PCDHA6: variants seen among roughly 807,000 people sequenced by gnomAD.
PCDHA6 encodes the protein protocadherin alpha-6.
In PCDHA6, 55 loss-of-function variants were observed where a neutral mutation model predicts 60.3. That is an observed-to-expected ratio of 0.91 (90% CI 0.73 to 1.14). The LOEUF is 1.14. PCDHA6 is among the 50% of genes most tolerant of loss of function. PCDHA6 has a pLI of 0.00. For missense variants in PCDHA6, 1,327 were observed against 1,256.5 expected, an observed-to-expected ratio of 1.06 and a Z score of -0.85; for synonymous variants, 652 against 557.9, an observed-to-expected ratio of 1.17 and a Z score of -2.38.
In PCDHA6 at chr5:141,010,490, A is replaced by C; in HGVS notation, c.*553A>C. 1.6e-6 allele frequency: 1 copy of C among 640,034 alleles called. No individual in the cohort carries two copies. The highest frequency in any genetic ancestry group is 2.4e-6 in the Non-Finnish European group (1 of 411,150). The allele number at this position is 640,034 out of a possible 1,614,324, so 39.6% of individuals were successfully genotyped here. On this transcript the variant is annotated 3_prime_UTR_variant, in exon 4 of 4. Coordinates refer to ENST00000529310, the MANE Select transcript of PCDHA6 (RefSeq NM_018909.4). ...GGAGGGGAAGTGTAAACTTAAAGGG[A>C]CCAGACTTTCTAAATCTTACAACTC...
chr5:140,858,616 T>G (rs1562539811), intron 1 of PCDHA6: 1 of 1,182,404 alleles, frequency 8.5e-7, no homozygotes, highest in Non-Finnish European at 1.2e-6. Context: ...TTTTTTATCC[T>G]ACCCAGTGTG....
intron 1 of PCDHA6, chr5:140,837,027 GTATTTACAAAATCAAA>G (rs1484122641): frequency 1.7e-5 from 4 of 237,742 alleles, no homozygotes; most frequent in African/African-American, 9.1e-5. Context: ...CTTCTATAGT[GTATTTACAAAATCAAA>G]TATTTACATT....
At chr5:140,978,301 C>T (rs1554239160) in intron 1 of PCDHA6, among the ~76,000 whole-genome samples, 1 of 152,168 alleles carries the variant, frequency 6.6e-6, no homozygotes, top group Admixed American at 6.5e-5. Flanking sequence ...GGAAAGCACT[C>T]AGGAAGGAGC....
chr5:140,868,834 A>G (rs1554162245), intron 1 of PCDHA6: 10 of 427,500 alleles, frequency 2.3e-5, no homozygotes, highest in Non-Finnish European at 8.0e-6. Context: ...AAGAAACCCA[A>G]AACACGTGAA....
At chr5:140,863,248 G>A (rs782700291) in intron 1 of PCDHA6, 2 of 1,396,062 alleles carry the variant, frequency 1.4e-6, no homozygotes, top group Non-Finnish European at 9.8e-7. Flanking sequence ...TTTGGCGGGC[G>A]TCGAGGTCCG....
In PCDHA6 at chr5:140,857,896, T is replaced by A; in HGVS notation, c.2394+27411T>A. 4 of 1,597,704 alleles carry A rather than the reference T, an allele frequency of 2.5e-6. 1 individual carries two copies. The highest frequency in any genetic ancestry group is 3.4e-6 in the Non-Finnish European group (4 of 1,167,490). On this transcript the variant is annotated intron_variant, in intron 1 of 3. Coordinates refer to ENST00000529310, the MANE Select transcript of PCDHA6 (RefSeq NM_018909.4). ...ATGAATTGCAGTCGGCGGCGGTTGGTGCACGCATCCCGTTTCGCGTGGGGC... is the reference window on the plus strand; with the variant it reads ...ATGAATTGCAGTCGGCGGCGGTTGGAGCACGCATCCCGTTTCGCGTGGGGC...
intron 1 of PCDHA6, chr5:140,870,869 T>C (rs371526005): frequency 8.1e-6 from 13 of 1,613,770 alleles, no homozygotes; most frequent in Non-Finnish European, 1.1e-5. Context: ...GCGGGCCACG[T>C]GGTGGCGAAG....
At chr5:140,926,850 G>A (rs375350613) in intron 1 of PCDHA6, 3 of 1,517,570 alleles carry the variant, frequency 2.0e-6, no homozygotes, top group African/African-American at 2.8e-5. Flanking sequence ...CTGGGTCACC[G>A]TTGGTGTAGC....
chr5:140,991,588 C>T (rs1252872687), intron 3 of PCDHA6, among the ~76,000 whole-genome samples: 3 of 152,212 alleles, frequency 2.0e-5, no homozygotes, highest in African/African-American at 7.2e-5. Flanking sequence ...TTATTTCTAC[C>T]TGAGCCCTCA....
chr5:140,944,807 A>T (rs1472832230), intron 1 of PCDHA6, among the ~76,000 whole-genome samples: 1 of 152,214 alleles, frequency 6.6e-6, no homozygotes, highest in Non-Finnish European at 1.5e-5. Context: ...TCGAGGGTCC[A>T]CAGTGATCTT....
intron 1 of PCDHA6, chr5:140,836,474 C>A: frequency 6.2e-7 from 1 of 1,613,830 alleles, no homozygotes; most frequent in Non-Finnish European, 8.5e-7. Context: ...TGGATGTCAA[C>A]GTGTACCTGA....
rs2055991111 is a variant in PCDHA6 at position 140,875,957 on chromosome 5, T to C, written c.2394+45472T>C. 1.1e-5 allele frequency: 17 copies of C among 1,614,050 alleles called. No individual in the cohort carries two copies. The highest frequency in any genetic ancestry group is 1.4e-5 in the Non-Finnish European group (16 of 1,180,000). ...CTAGAGGGCGCTTCTGATGCGGATA[T>C]CGGCGTAAACTCTCTTTTGACCTAT... On this transcript the variant is annotated intron_variant, in intron 1 of 3. Coordinates refer to ENST00000529310, the MANE Select transcript of PCDHA6 (RefSeq NM_018909.4).
intron 1 of PCDHA6, among the ~76,000 whole-genome samples, chr5:140,878,322 T>C (rs2057540228): frequency 6.6e-6 from 1 of 152,228 alleles, no homozygotes; most frequent in Non-Finnish European, 1.5e-5. Context: ...CATTTTCACA[T>C]TATATTCCAG....
chr5:140,848,521 C>T lies in PCDHA6; in HGVS notation c.2394+18036C>T, dbSNP rs2150411815. The T allele has an allele frequency of 1.3e-6, 2 of 1,592,868 alleles. 1 individual carries two copies. The highest frequency in any genetic ancestry group is 1.7e-6 in the Non-Finnish European group (2 of 1,164,010). On this transcript the variant is annotated intron_variant, in intron 1 of 3. Coordinates refer to ENST00000529310, the MANE Select transcript of PCDHA6 (RefSeq NM_018909.4). Reference sequence around the variant, plus strand: ...ATGTTATACTCAAGTCGAGGAGATCCAGAGGGTCAGCCTCTACTGCTCTCG... The same window carrying T: ...ATGTTATACTCAAGTCGAGGAGATCTAGAGGGTCAGCCTCTACTGCTCTCG...
chr5:140,869,384 A>G, intron 1 of PCDHA6: 1 of 1,614,120 alleles, frequency 6.2e-7, no homozygotes, highest in South Asian at 1.1e-5. Context: ...GACCGCGAGG[A>G]GCTGTGCGGG....
intron 1 of PCDHA6, among the ~76,000 whole-genome samples, chr5:140,947,889 A>G (rs1275614644): frequency 1.3e-5 from 2 of 151,626 alleles, no homozygotes; most frequent in Non-Finnish European, 3.0e-5. Flanking sequence ...CAATATAAAC[A>G]GAAGTGGTGA....
chr5:140,885,391 T>G, intron 1 of PCDHA6, among the ~76,000 whole-genome samples: 1 of 152,112 alleles, frequency 6.6e-6, no homozygotes, highest in East Asian at 1.9e-4. Context: ...TCCCTGCAAA[T>G]CTAATGGTTT....
intron 1 of PCDHA6, among the ~76,000 whole-genome samples, chr5:140,974,046 GATA>G (rs1554235775): frequency 6.6e-6 from 1 of 152,184 alleles, no homozygotes; most frequent in African/African-American, 2.4e-5. Context: ...TTATTAATAT[GATA>G]ATATTTGGAG....
Position 140,929,475 on chromosome 5 carries a change from G to A in PCDHA6, c.2395-49474G>A, listed in dbSNP as rs1554207114. ...ACTTCCTGTGCCAAGAAATCTGGAA[G>A]TATAGAAGTATTAGAAGATTGCCCT... is the stretch of plus-strand genomic sequence containing the variant. On this transcript the variant is annotated intron_variant, in intron 1 of 3. Transcript: ENST00000529310. The A allele has an allele frequency of 4.0e-6, 5 of 1,251,128 alleles. No individual in the cohort carries two copies. The Middle Eastern group carries it at 8.1e-4, about 202-fold the overall frequency. The allele number at this position is 1,251,128 out of a possible 1,614,324, so 77.5% of individuals were successfully genotyped here. A position where few individuals can be genotyped will look rare whatever the true frequency, so the allele number is the denominator to read the frequency against.
Sources: gnomAD v4.1 joint callset for allele counts (sites outside exome capture counted in the v4.1 genomes callset) on GRCh38, gnomAD v4.1.1 for gene constraint, MANE v1.5 for transcripts, NCBI Gene and HGNC (gene_info 2026-07-23, HGNC 2026-07-21) for gene names.